PAH: variants seen among roughly 807,000 people sequenced by gnomAD.
PAH encodes phenylalanine hydroxylase.
PAH carries 64 observed loss-of-function variants against 62.0 expected under a neutral mutation model. The observed-to-expected ratio is 1.03, with a 90% CI of 0.84 to 1.27. The LOEUF is 1.27. Ranked by LOEUF, PAH falls within the 50% of genes most tolerant of loss-of-function variation. The probability of loss-of-function intolerance (pLI) is 0.00; values close to 1 mark genes in which losing one functional copy is unlikely to be tolerated. For synonymous variants in PAH, 195 were observed against 196.2 expected, an observed-to-expected ratio of 0.99 and a Z score of 0.05; for missense variants, 579 against 542.8, an observed-to-expected ratio of 1.07 and a Z score of -0.66.
At chr12:102,881,290 G>A (rs1876803266) in intron 3 of PAH, among the ~76,000 whole-genome samples, 1 of 151,098 alleles carries the variant, frequency 6.6e-6, no homozygotes, top group Admixed American at 6.6e-5. Context: ...GGGATTACAG[G>A]TGTAAGTCAC....
At chr12:102,894,652 T>C in intron 3 of PAH, 83 bp downstream of exon 3, 1 of 1,017,598 alleles carries the variant, frequency 9.8e-7, no homozygotes, top group South Asian at 1.3e-5. Context: ...TATATTTAAA[T>C]ATGCTGTTAA....
chr12:102,933,166 C>T (rs1878980427), intron 1 of PAH, among the ~76,000 whole-genome samples: 1 of 152,184 alleles, frequency 6.6e-6, no homozygotes, highest in Admixed American at 6.5e-5. Context: ...GTTCTTCTCT[C>T]TGTCTCCAAA....
At chr12:102,932,614 C>T (rs1878925093) in intron 1 of PAH, among the ~76,000 whole-genome samples, 1 of 152,142 alleles carries the variant, frequency 6.6e-6, no homozygotes, top group East Asian at 1.9e-4. Flanking sequence ...ATTTTGTAAG[C>T]AGCTTTGGTA....
chr12:102,956,857 G>C (rs1369456387), intron 1 of PAH, among the ~76,000 whole-genome samples: 1 of 151,960 alleles, frequency 6.6e-6, no homozygotes, highest in Non-Finnish European at 1.5e-5. Flanking sequence ...CCACACACTT[G>C]CTCAGTTATG....
intron 12 of PAH, 97 bp from the exon 13 acceptor site, chr12:102,839,315 C>T (rs1874489391): frequency 1.7e-6 from 2 of 1,174,476 alleles, no homozygotes; most frequent in Non-Finnish European, 2.5e-6. Context: ...AAGTGGGCTT[C>T]TTGGATGAGC....
chr12:102,915,519 T>C (rs1020906273), intron 1 of PAH, among the ~76,000 whole-genome samples: 6 of 152,206 alleles, frequency 3.9e-5, no homozygotes, highest in Non-Finnish European at 7.3e-5. Flanking sequence ...AAGTAAAAGA[T>C]TTACTCTGGT....
At chr12:102,933,153 A>C (rs562292616) in intron 1 of PAH, among the ~76,000 whole-genome samples, 4 of 152,234 alleles carry the variant, frequency 2.6e-5, no homozygotes, top group African/African-American at 9.6e-5. Flanking sequence ...TCTGGTACCC[A>C]TTGTTCTTCT....
chr12:102,926,055 C>T (rs935963203), intron 1 of PAH, among the ~76,000 whole-genome samples: 9 of 151,568 alleles, frequency 5.9e-5, no homozygotes, highest in Admixed American at 5.9e-4. Flanking sequence ...GTACTAAGTG[C>T]CAGGCACTGT....
At chr12:102,958,412 G>C, upstream of PAH, 6 of 1,533,260 alleles carry the variant, frequency 3.9e-6, no homozygotes, top group Non-Finnish European at 5.3e-6. Flanking sequence ...AGCAGCAGCA[G>C]CAGCAGCAGC....
intron 1 of PAH, chr12:102,923,620 G>GTT: frequency 6.6e-6 from 1 of 152,146 alleles, no homozygotes; most frequent in Non-Finnish European, 1.5e-5. Flanking sequence ...ACATATTATA[G>GTT]TTTAAATTAG....
At chr12:102,879,948 G>A (rs773494727) in intron 3 of PAH, among the ~76,000 whole-genome samples, 17 of 152,290 alleles carry the variant, frequency 1.1e-4, no homozygotes, top group Middle Eastern at 3.4e-3. Context: ...CACTTCTGTC[G>A]TACTTGCTGT....
intron 8 of PAH, among the ~76,000 whole-genome samples, chr12:102,848,978 G>C (rs1166777475): frequency 6.6e-6 from 1 of 152,098 alleles, no homozygotes; most frequent in Non-Finnish European, 1.5e-5. Flanking sequence ...GACACCAGGA[G>C]ACTGGAGAGG....
intron 4 of PAH, among the ~76,000 whole-genome samples, chr12:102,871,937 AAAAAAAAAAAAAATATATAT>A (rs1291448007): frequency 1.2e-3 from 109 of 89,256 alleles, no homozygotes; most frequent in Middle Eastern, 6.3e-3. Flanking sequence ...AAAAAAAAAA[AAAAAAAAAAAAAATATATAT>A]ATATATATAT....
intron 1 of PAH, among the ~76,000 whole-genome samples, chr12:102,949,076 G>C (rs572232941): frequency 1.1e-4 from 17 of 152,208 alleles, no homozygotes; most frequent in Admixed American, 8.5e-4. Context: ...ACAGCTTCTC[G>C]GGGTCCCAAT....
At chr12:102,867,752 T>A (rs1285065466) in intron 4 of PAH, among the ~76,000 whole-genome samples, 1 of 151,822 alleles carries the variant, frequency 6.6e-6, no homozygotes, top group East Asian at 1.9e-4. Context: ...TTTTTAGATT[T>A]GTTTTTTGTT....
At chr12:102,885,822 G>A (rs553619689) in intron 3 of PAH, among the ~76,000 whole-genome samples, 1 of 152,322 alleles carries the variant, frequency 6.6e-6, no homozygotes, top group African/African-American at 2.4e-5. Flanking sequence ...GGGTTAGCCA[G>A]CAAGGCACCC....
At chr12:102,915,954 C>T (rs3805120) in intron 1 of PAH, among the ~76,000 whole-genome samples, 21,676 of 151,994 alleles carry the variant, frequency 0.14, 1,621 homozygotes, top group African/African-American at 0.17. Flanking sequence ...GAACTTTAAA[C>T]CCCTATGCTT....
intron 1 of PAH, chr12:102,945,110 C>T (rs1879443151): frequency 6.6e-6 from 1 of 152,184 alleles, no homozygotes; most frequent in African/African-American, 2.4e-5. Flanking sequence ...CTTACTTCCT[C>T]CCAGATGAAT....
intron 1 of PAH, among the ~76,000 whole-genome samples, chr12:102,947,996 A>G (rs1397257915): frequency 6.6e-6 from 1 of 152,042 alleles, no homozygotes; most frequent in Non-Finnish European, 1.5e-5. Context: ...GATGAGCCCT[A>G]CCCACAATCT....
Sources: allele counts gnomAD v4.1 joint callset (sites outside exome capture counted in the v4.1 genomes callset), GRCh38; gene constraint gnomAD v4.1.1; transcripts MANE v1.5; gene names NCBI Gene and HGNC (gene_info 2026-07-23, HGNC 2026-07-21).